The following NBAS variants were observed in gnomAD, a reference collection of about 807,000 sequenced individuals.
NBAS encodes NAG/BC035112 fusion.
In NBAS, 219 loss-of-function variants were observed where a neutral mutation model predicts 302.5. That is an observed-to-expected ratio of 0.72 (90% CI 0.65 to 0.81). NBAS has a LOEUF of 0.81. Ranked by LOEUF, NBAS falls within the 30% of genes least tolerant of loss-of-function variation. NBAS has a pLI of 0.00. For synonymous variants in NBAS, 1,118 were observed against 1,021.6 expected (o/e 1.09, Z -1.80); for missense variants, 2,932 against 2,841.6 (o/e 1.03, Z -0.72).
intron 44 of NBAS, among the ~76,000 whole-genome samples, chr2:15,268,893 G>A (rs987995092): frequency 1.3e-4 from 20 of 152,172 alleles, no homozygotes; most frequent in Admixed American, 2.6e-4. Context: ...ATTAAAACCC[G>A]AAGGCATGAT....
the NBAS span, among the ~76,000 whole-genome samples, chr2:14,882,162 T>A: frequency 6.6e-6 from 1 of 152,182 alleles, no homozygotes; most frequent in African/African-American, 2.4e-5. Context: ...GTATTAGTCA[T>A]GATTAAAGAA....
intron 45 of NBAS, 130 bp from the exon 46 acceptor site, chr2:15,234,877 G>C (rs1257919450): frequency 2.2e-6 from 2 of 918,232 alleles, no homozygotes; most frequent in Non-Finnish European, 3.4e-6. Context: ...CAAAGGGCAT[G>C]TATTAGTTAG....
chr2:14,812,869 A>T, the NBAS span, among the ~76,000 whole-genome samples: 1 of 151,990 alleles, frequency 6.6e-6, no homozygotes, highest in Non-Finnish European at 1.5e-5. Context: ...GTCTGGTGGG[A>T]GGTGATTGGA....
At chr2:15,033,519 G>A in the NBAS span, among the ~76,000 whole-genome samples, 1 of 152,120 alleles carries the variant, frequency 6.6e-6, no homozygotes, top group Non-Finnish European at 1.5e-5. Context: ...TGGGGGCCTG[G>A]GGTGGAATGT....
At chr2:15,329,488 C>G (rs1252563839) in intron 36 of NBAS, among the ~76,000 whole-genome samples, 6 of 152,214 alleles carry the variant, frequency 3.9e-5, no homozygotes, top group Non-Finnish European at 7.3e-5. Flanking sequence ...TTCTACAGCA[C>G]TTAAATGAGC....
the NBAS span, among the ~76,000 whole-genome samples, chr2:14,945,635 T>A: frequency 1.2e-3 from 176 of 152,060 alleles, no homozygotes; most frequent in African/African-American, 4.0e-3. Flanking sequence ...GAAATGTACA[T>A]GTTGAACTAA....
At chr2:15,430,975 A>ATT (rs1198773951) in intron 21 of NBAS, among the ~76,000 whole-genome samples, 12 of 144,426 alleles carry the variant, frequency 8.3e-5, no homozygotes, top group African/African-American at 2.0e-4. Flanking sequence ...GGCCCGGCTA[A>ATT]TTTTTTTTTT....
intron 35 of NBAS, among the ~76,000 whole-genome samples, chr2:15,349,393 G>A (rs1254877791): frequency 6.6e-6 from 1 of 152,148 alleles, no homozygotes; most frequent in East Asian, 1.9e-4. Context: ...CATCCAATGA[G>A]GGAAAACAAT....
chr2:15,357,437 G>A (rs1335219089), intron 32 of NBAS, among the ~76,000 whole-genome samples: 2 of 152,120 alleles, frequency 1.3e-5, no homozygotes, highest in Non-Finnish European at 2.9e-5. Flanking sequence ...ATGAGCATAA[G>A]TTTACTTTTA....
chr2:14,921,339 A>G, the NBAS span, among the ~76,000 whole-genome samples: 1 of 152,218 alleles, frequency 6.6e-6, no homozygotes. Context: ...ACAGATCACA[A>G]TAACAGATAT....
intron 6 of NBAS, among the ~76,000 whole-genome samples, chr2:15,547,604 C>G (rs570146569): frequency 2.3e-4 from 35 of 152,292 alleles, no homozygotes; most frequent in African/African-American, 7.7e-4. Context: ...GATTTACCTA[C>G]TGGCTAGGAG....
intron 42 of NBAS, among the ~76,000 whole-genome samples, chr2:15,280,994 T>C (rs1361423037): frequency 2.6e-5 from 4 of 152,200 alleles, no homozygotes; most frequent in Non-Finnish European, 5.9e-5. Context: ...TTTTTTAGTT[T>C]TGCCAACATT....
the NBAS span, among the ~76,000 whole-genome samples, chr2:15,119,639 A>G: frequency 6.6e-6 from 1 of 152,116 alleles, no homozygotes; most frequent in Admixed American, 6.6e-5. Context: ...GTGCCTAGCC[A>G]GGAATCCATT....
the NBAS span, among the ~76,000 whole-genome samples, chr2:14,843,909 C>T: frequency 6.6e-6 from 1 of 152,032 alleles, no homozygotes; most frequent in African/African-American, 2.4e-5. Context: ...TCCATCTCAG[C>T]GGTCGGAACT....
At chr2:15,526,216 GA>G (rs1173772808) in intron 9 of NBAS, among the ~76,000 whole-genome samples, 1 of 152,158 alleles carries the variant, frequency 6.6e-6, no homozygotes, top group Non-Finnish European at 1.5e-5. Context: ...CGTGTTTAAG[GA>G]GGACAAAATA....
Position 15,366,558 on chromosome 2 carries a change from GT to G in NBAS, c.3817+21del, listed in dbSNP as rs779572256. ...AATAACATAGAAAGCTTATTCTGCA[GT>G]TTAGTACTCAAAAGACTTACCTGCA... On this transcript the variant is annotated intron_variant, in intron 32 of 51. Transcript: ENST00000281513. The G allele has an allele frequency of 2.5e-6, 4 of 1,584,930 alleles. No homozygotes were observed. In the East Asian group the frequency reaches 9.0e-5, roughly 35 times the overall value.
the NBAS span, among the ~76,000 whole-genome samples, chr2:14,982,512 G>A: frequency 6.3e-4 from 96 of 152,192 alleles, no homozygotes; most frequent in African/African-American, 2.0e-3. Context: ...GGTTAAGAGC[G>A]GTGCAGCAGA....
chr2:14,805,917 C>T, the NBAS span, among the ~76,000 whole-genome samples: 7 of 152,064 alleles, frequency 4.6e-5, no homozygotes, highest in African/African-American at 1.7e-4. Context: ...CAGTATAATG[C>T]CCTTCAAAAT....
chr2:15,203,173 C>T (rs954005841), intron 48 of NBAS, among the ~76,000 whole-genome samples: 50 of 152,222 alleles, frequency 3.3e-4, no homozygotes, highest in African/African-American at 1.2e-3. Flanking sequence ...GTGTCTAACA[C>T]TGAGTTAACA....
Sources: allele counts gnomAD v4.1 joint callset (sites outside exome capture counted in the v4.1 genomes callset), GRCh38; gene constraint gnomAD v4.1.1; transcripts MANE v1.5; gene names NCBI Gene and HGNC (gene_info 2026-07-23, HGNC 2026-07-21).